GRIK4: variants seen among roughly 807,000 people sequenced by gnomAD.
GRIK4 encodes glutamate ionotropic receptor kainate type subunit 4, also known as glutamate receptor ionotropic, kainate 4.
Under a neutral mutation model 104.9 loss-of-function variants are expected in GRIK4, and 40 were observed. The ratio of observed to expected loss-of-function variants is 0.38; its 90% CI spans 0.30 to 0.50. GRIK4 has a LOEUF of 0.50. GRIK4 is among the 20% of genes least tolerant of loss of function. GRIK4 has a pLI of 0.93. For missense variants in GRIK4, 1,047 were observed against 1,308.1 expected, an observed-to-expected ratio of 0.80 and a Z score of 3.08; for synonymous variants, 485 against 524.9, an observed-to-expected ratio of 0.92 and a Z score of 1.04.
At chr11:120,865,798 G>A (rs548232312) in intron 9 of GRIK4, among the ~76,000 whole-genome samples, 4 of 152,278 alleles carry the variant, frequency 2.6e-5, no homozygotes, top group South Asian at 4.2e-4. Flanking sequence ...AGGAATACTC[G>A]AGGTTGGGTG....
At chr11:120,708,806 G>A (rs1591823170) in intron 3 of GRIK4, among the ~76,000 whole-genome samples, 1 of 152,156 alleles carries the variant, frequency 6.6e-6, no homozygotes, top group African/African-American at 2.4e-5. Flanking sequence ...CTGCTGGGAG[G>A]CCAGGACTGC....
chr11:120,644,044 T>TGA lies in GRIK4; in HGVS notation c.-158-9627_-158-9626dup, dbSNP rs944483963. Among the ~76,000 whole-genome samples, 250 of 112,712 alleles carry TGA rather than the reference T, an allele frequency of 2.2e-3. 2 individuals carry two copies. Among genetic ancestry groups the TGA allele is most frequent in the Admixed American group, 0.02 (218 of 11,036 alleles). The allele number at this position is 112,712 out of a possible 152,430, so 73.9% of individuals were successfully genotyped here. A position where few individuals can be genotyped will look rare whatever the true frequency, so the allele number is the denominator to read the frequency against. On this transcript the variant is annotated intron_variant, in intron 1 of 20. Transcript: ENST00000527524. ...GTGTGTGTGTGTGTGTGTGTGTGTG[T>TGA]GAGAGAGAGAGAGAGGAGAGAGAGA...
rs548109903 is a variant in GRIK4 at position 120,678,862 on chromosome 11, C to T, written c.82+18462C>T. Among the ~76,000 whole-genome samples the T allele has an allele frequency of 1.3e-3, 193 of 151,848 alleles. 1 individual carries two copies. Among genetic ancestry groups the T allele is most frequent in the African/African-American group, 4.3e-3 (177 of 41,408 alleles). Reference sequence around the variant, plus strand: ...CTTGGCCAGGCTGGTCTCGAACTCCCGACCTTGTGATCCACATGCCTCGGC... The same window carrying T: ...CTTGGCCAGGCTGGTCTCGAACTCCTGACCTTGTGATCCACATGCCTCGGC... On this transcript the variant is annotated intron_variant, in intron 3 of 20. Transcript: ENST00000527524.
intron 3 of GRIK4, among the ~76,000 whole-genome samples, chr11:120,686,730 G>C (rs1950282261): frequency 6.6e-6 from 1 of 152,216 alleles, no homozygotes; most frequent in Non-Finnish European, 1.5e-5. Flanking sequence ...GATTTACCTT[G>C]CTGATTATGT....
chr11:120,658,727 CTTTTTTTTTTTTT>C (rs71050753), intron 2 of GRIK4, among the ~76,000 whole-genome samples: 12 of 56,744 alleles, frequency 2.1e-4, no homozygotes, highest in South Asian at 8.7e-4. Flanking sequence ...GAGGACGAAA[CTTTTTTTTTTTTT>C]TTTTTTTTTT....
At chr11:120,812,171 G>A (rs183620732) in intron 4 of GRIK4, among the ~76,000 whole-genome samples, 54 of 152,310 alleles carry the variant, frequency 3.5e-4, no homozygotes, top group Admixed American at 3.3e-4. Flanking sequence ...TCAGATGGTC[G>A]GAACCTGGCC....
chr11:120,558,457 G>A (rs1289120680), intron 1 of GRIK4, among the ~76,000 whole-genome samples: 3 of 152,170 alleles, frequency 2.0e-5, no homozygotes, highest in Admixed American at 1.3e-4. Flanking sequence ...GTGTGGTGGT[G>A]TGCGCCTGTA....
chr11:120,527,345 G>A (rs1947867845), intron 1 of GRIK4, among the ~76,000 whole-genome samples: 1 of 152,238 alleles, frequency 6.6e-6, no homozygotes, highest in Non-Finnish European at 1.5e-5. Flanking sequence ...GAGCTGGACA[G>A]CATCTGTCTG....
At chr11:120,843,843 G>A (rs1405409691) in intron 8 of GRIK4, among the ~76,000 whole-genome samples, 5 of 152,142 alleles carry the variant, frequency 3.3e-5, no homozygotes, top group African/African-American at 9.7e-5. Context: ...CTGGAGTGAG[G>A]GGAGAATGCC....
intron 8 of GRIK4, among the ~76,000 whole-genome samples, chr11:120,853,112 T>C (rs1407833790): frequency 6.6e-6 from 1 of 152,126 alleles, no homozygotes; most frequent in East Asian, 1.9e-4. Context: ...AAACTCGTGA[T>C]AAAAAGCTCC....
intron 11 of GRIK4, among the ~76,000 whole-genome samples, chr11:120,875,974 G>A (rs1323654877): frequency 6.6e-6 from 1 of 152,038 alleles, no homozygotes; most frequent in African/African-American, 2.4e-5. Flanking sequence ...AGAAAAGGCT[G>A]GTAAGTAGGA....
At chr11:120,565,114 G>A (rs1167749085) in intron 1 of GRIK4, among the ~76,000 whole-genome samples, 1 of 152,220 alleles carries the variant, frequency 6.6e-6, no homozygotes, top group Non-Finnish European at 1.5e-5. Context: ...CAGCGTGGGA[G>A]GACGGGCTGC....
intron 14 of GRIK4, among the ~76,000 whole-genome samples, chr11:120,949,032 G>T (rs1943935064): frequency 6.6e-6 from 1 of 152,222 alleles, no homozygotes; most frequent in Non-Finnish European, 1.5e-5. Flanking sequence ...TGTCCTGACT[G>T]CCTGGCTCCG....
intron 3 of GRIK4, among the ~76,000 whole-genome samples, chr11:120,681,973 G>A (rs1310765511): frequency 6.6e-6 from 1 of 152,236 alleles, no homozygotes; most frequent in Non-Finnish European, 1.5e-5. Context: ...ATAAAAATTA[G>A]CAATGATTTC....
intron 1 of GRIK4, among the ~76,000 whole-genome samples, chr11:120,635,768 T>C (rs1352498692): frequency 6.6e-6 from 1 of 152,322 alleles, no homozygotes; most frequent in East Asian, 1.9e-4. Flanking sequence ...ATCTCATTTG[T>C]CTTAAAAATT....
At chr11:120,633,222 G>A (rs186555845) in intron 1 of GRIK4, among the ~76,000 whole-genome samples, 189 of 152,264 alleles carry the variant, frequency 1.2e-3, no homozygotes, top group African/African-American at 4.5e-3. Flanking sequence ...CAATGGCAAG[G>A]TAATTATCAT....
chr11:120,523,203 A>G (rs1311426102), intron 1 of GRIK4, among the ~76,000 whole-genome samples: 5 of 150,794 alleles, frequency 3.3e-5, no homozygotes, highest in Non-Finnish European at 7.4e-5. Flanking sequence ...AAATAGCATC[A>G]GCCGACTCTC....
At chr11:120,729,200 G>C (rs1472785468) in intron 3 of GRIK4, among the ~76,000 whole-genome samples, 1 of 152,142 alleles carries the variant, frequency 6.6e-6, no homozygotes, top group Non-Finnish European at 1.5e-5. Flanking sequence ...CTTGGCTATT[G>C]TGAATAGAGT....
chr11:120,872,808 G>A (rs2135674243), intron 9 of GRIK4: 1 of 163,696 alleles, frequency 6.1e-6, no homozygotes, highest in South Asian at 1.6e-4. Context: ...TTAACATAGT[G>A]TGGTATTATC....
Sources: gnomAD v4.1 joint callset for allele counts (sites outside exome capture counted in the v4.1 genomes callset) on GRCh38, gnomAD v4.1.1 for gene constraint, MANE v1.5 for transcripts, NCBI Gene and HGNC (gene_info 2026-07-23, HGNC 2026-07-21) for gene names.